SOX6: variants seen among roughly 807,000 people sequenced by gnomAD.
The protein encoded by SOX6 is transcription factor SOX-6.
Under a neutral mutation model 97.8 loss-of-function variants are expected in SOX6, and 11 were observed. The observed-to-expected ratio is 0.11, with a 90% CI of 0.07 to 0.19. The LOEUF (loss-of-function observed/expected upper bound fraction) is 0.19. Ranked by LOEUF, SOX6 falls within the 10% of genes least tolerant of loss-of-function variation. SOX6 has a pLI of 1.00. For synonymous variants in SOX6, 360 were observed against 371.4 expected (o/e 0.97, Z 0.35); for missense variants, 810 against 1,039.5 (o/e 0.78, Z 3.04).
chr11:16,602,730 G>A (rs1490620499), intron 4 of SOX6, among the ~76,000 whole-genome samples: 1 of 152,068 alleles, frequency 6.6e-6, no homozygotes, highest in African/African-American at 2.4e-5. Flanking sequence ...CCATAGAAAA[G>A]CTAACCCTGG....
At chr11:16,622,874 C>T (rs1565195944) in intron 3 of SOX6, among the ~76,000 whole-genome samples, 1 of 152,082 alleles carries the variant, frequency 6.6e-6, no homozygotes, top group Non-Finnish European at 1.5e-5. Context: ...ACTAGTTTAC[C>T]AGCAGTGTAA....
rs1848135488 is a variant in SOX6, at chr11:16,706,470, AAATATATATATATATATATATAT to A, written n.429+8337_429+8359del. ...ATCACAAAAAAAAAAAAAAAAAAAA[AAATATATATATATATATATATAT>A]ATATATATATATATATATATATATA... On this transcript the variant is annotated intron_variant and non_coding_transcript_variant, in intron 3 of 5. Transcript: ENST00000524520. Among the ~76,000 whole-genome samples the A allele has an allele frequency of 2.3e-4, 7 of 30,678 alleles. 2 individuals carry two copies. The highest frequency in any genetic ancestry group is 1.4e-3 in the Admixed American group (3 of 2,198). The allele number at this position is 30,678 out of a possible 152,430, so 20.1% of individuals were successfully genotyped here.
At chr11:16,070,564 C>T (rs535086032) in intron 9 of SOX6, among the ~76,000 whole-genome samples, 1 of 152,148 alleles carries the variant, frequency 6.6e-6, no homozygotes, top group Admixed American at 6.5e-5. Flanking sequence ...AGACTAGAAG[C>T]AGCCCATGTG....
chr11:16,005,868 A>G lies in SOX6; in HGVS notation c.1732+9074T>C, dbSNP rs1854537753. Among the ~76,000 whole-genome samples, 3 of 152,034 alleles carry G rather than the reference A, an allele frequency of 2.0e-5. No individual in the cohort carries two copies. In the South Asian group the frequency reaches 6.2e-4, roughly 31 times the overall value. On this transcript the variant is annotated intron_variant, in intron 13 of 15. Coordinates refer to ENST00000683767, the MANE Select transcript of SOX6 (RefSeq NM_001367873.1). ...TGTAGCAGTTTATAGTATACAGCAA[A>G]TGACGATGCATTCTTACATAACTTT... is the stretch of plus-strand genomic sequence containing the variant.
chr11:16,007,192 T>G (rs887480888), intron 13 of SOX6, among the ~76,000 whole-genome samples: 3 of 152,118 alleles, frequency 2.0e-5, no homozygotes, highest in Non-Finnish European at 2.9e-5. Context: ...GATGGTATAG[T>G]CTACTGTACA....
chr11:16,695,420 T>C (rs1255949728), intron 3 of SOX6, among the ~76,000 whole-genome samples: 2 of 152,192 alleles, frequency 1.3e-5, no homozygotes, highest in Admixed American at 6.5e-5. Context: ...TATAACAGAA[T>C]AAAATACAGA....
intron 1 of SOX6, among the ~76,000 whole-genome samples, chr11:16,369,387 C>T (rs764300097): frequency 1.2e-4 from 18 of 152,174 alleles, no homozygotes; most frequent in Admixed American, 2.6e-4. Flanking sequence ...TTCATAAACT[C>T]CTAACATACT....
chr11:16,408,327 G>C (rs1454360848), intron 1 of SOX6, among the ~76,000 whole-genome samples: 1 of 152,140 alleles, frequency 6.6e-6, no homozygotes, highest in Non-Finnish European at 1.5e-5. Flanking sequence ...AAAAGTGCTT[G>C]CATATCAGAA....
intron 13 of SOX6, among the ~76,000 whole-genome samples, chr11:16,011,954 T>C (rs1251252647): frequency 6.6e-6 from 1 of 152,054 alleles, no homozygotes; most frequent in African/African-American, 2.4e-5. Context: ...ATTATGTATG[T>C]ACATATTTCC....
intron 4 of SOX6, among the ~76,000 whole-genome samples, chr11:16,524,255 C>G (rs77826786): frequency 6.6e-6 from 1 of 151,722 alleles, no homozygotes; most frequent in Non-Finnish European, 1.5e-5. Context: ...CCGAATCCAG[C>G]AGCACATCAA....
chr11:16,544,334 A>T (rs1225774032), intron 4 of SOX6, among the ~76,000 whole-genome samples: 1 of 152,144 alleles, frequency 6.6e-6, no homozygotes, highest in Non-Finnish European at 1.5e-5. Flanking sequence ...ATCACAGCTC[A>T]GTACAGCCTC....
intron 1 of SOX6, among the ~76,000 whole-genome samples, chr11:16,371,339 C>T (rs75305309): frequency 0.035 from 5,258 of 152,122 alleles, 128 homozygotes; most frequent in Non-Finnish European, 0.056. Flanking sequence ...CTCAATGATA[C>T]CCTCCCTGAC....
intron 3 of SOX6, among the ~76,000 whole-genome samples, chr11:16,653,635 G>A (rs1847683987): frequency 6.6e-6 from 1 of 152,168 alleles, no homozygotes; most frequent in Admixed American, 6.6e-5. Flanking sequence ...GGGTAGGAGG[G>A]TGAGGGATGA....
chr11:16,553,082 C>T (rs1847708053), intron 4 of SOX6, among the ~76,000 whole-genome samples: 2 of 151,992 alleles, frequency 1.3e-5, no homozygotes, highest in African/African-American at 4.8e-5. Context: ...GACTTTAAAC[C>T]CAAGAATTTA....
At chr11:16,223,565 C>T (rs758552328) in intron 4 of SOX6, among the ~76,000 whole-genome samples, 1 of 152,066 alleles carries the variant, frequency 6.6e-6, no homozygotes, top group Non-Finnish European at 1.5e-5. Context: ...ATGTTAATGG[C>T]TGTCTTCAGT....
At chr11:16,482,936 T>C (rs981648265) in intron 4 of SOX6, among the ~76,000 whole-genome samples, 1 of 152,214 alleles carries the variant, frequency 6.6e-6, no homozygotes, top group East Asian at 1.9e-4. Context: ...ACTACTAATA[T>C]CATTTGGTGC....
At position 16,304,971 on chromosome 11, in the gene SOX6, G is replaced by GA. The variant is rs146056109; in HGVS notation, c.445+13474dup. On this transcript the variant is annotated intron_variant, in intron 3 of 15. Transcript: ENST00000683767. ...AAAGTATAAAACTACACATCTTTCA[G>GA]AAAAAAAAAAGGAGAAAATATTTAG... Among the ~76,000 whole-genome samples the GA allele has an allele frequency of 8.0e-3, 1,162 of 145,608 alleles. 16 individuals are homozygous for GA. The highest frequency in any genetic ancestry group is 0.027 in the African/African-American group (1,061 of 39,796).
chr11:16,641,248 G>A (rs1366128425), intron 3 of SOX6, among the ~76,000 whole-genome samples: 2 of 152,180 alleles, frequency 1.3e-5, no homozygotes, highest in South Asian at 2.1e-4. Context: ...CTGAGTTCTA[G>A]TTTGATTGCA....
intron 4 of SOX6, among the ~76,000 whole-genome samples, chr11:16,549,203 C>T (rs61883864): frequency 0.19 from 29,536 of 152,044 alleles, 3,482 homozygotes; most frequent in Admixed American, 0.33. Context: ...GCATTTCACT[C>T]TTGTTGACCA....
Sources: gnomAD v4.1 joint callset for allele counts (sites outside exome capture counted in the v4.1 genomes callset) on GRCh38, gnomAD v4.1.1 for gene constraint, MANE v1.5 for transcripts, NCBI Gene and HGNC (gene_info 2026-07-23, HGNC 2026-07-21) for gene names.